HMGXB3: variants seen among roughly 807,000 people sequenced by gnomAD.
HMGXB3 encodes HMG-box containing 3, also known as HMG domain-containing protein 3.
Under a neutral mutation model 121.5 loss-of-function variants are expected in HMGXB3, and 45 were observed. The ratio of observed to expected loss-of-function variants is 0.37; its 90% CI spans 0.29 to 0.47. HMGXB3 has a LOEUF of 0.47. Among genes scored for constraint, HMGXB3 ranks in the 20% least tolerant of loss-of-function variants. The pLI, the probability that HMGXB3 is intolerant of heterozygous loss-of-function variation, is 0.99. For synonymous variants in HMGXB3, 590 were observed against 624.1 expected (o/e 0.95, Z 0.81); for missense variants, 1,376 against 1,602.2 (o/e 0.86, Z 2.41).
In HMGXB3 at chr5:150,014,331, C is replaced by T. The variant is rs149021530; in HGVS notation, c.909+1978C>T. Among the ~76,000 whole-genome samples the T allele has an allele frequency of 2.6e-4, 40 of 152,274 alleles. 1 individual carries two copies. In the East Asian group the frequency reaches 7.3e-3, roughly 28 times the overall value. On this transcript the variant is annotated intron_variant, in intron 5 of 19. Coordinates refer to ENST00000502717, the MANE Select transcript of HMGXB3 (RefSeq NM_014983.3). Reference sequence around the variant, plus strand: ...AATCTTTAAAGACATCTGCAATAGACAATATGCAGTTTAAACAAACTGTGA... The same window carrying T: ...AATCTTTAAAGACATCTGCAATAGATAATATGCAGTTTAAACAAACTGTGA...
At chr5:150,032,431 G>T (rs1404917222) in intron 10 of HMGXB3, 23 bp from the exon 11 acceptor site, 1 of 1,548,410 alleles carries the variant, frequency 6.5e-7, no homozygotes, top group Admixed American at 2.0e-5. Context: ...TTGTAGAATT[G>T]AACACTGGTC....
intron 16 of HMGXB3, 143 bp from the exon 17 acceptor site, chr5:150,047,481 C>A: frequency 1.1e-6 from 1 of 894,360 alleles, no homozygotes; most frequent in Non-Finnish European, 1.7e-6. Context: ...AAAGCGTGGA[C>A]CTGACTTGAG....
rs1444991525 is a variant in HMGXB3, at chr5:150,026,692, C to G, written c.1461-14C>G. ...GTTCCAGAATTTCCAGATTTCTCTT[C>G]TTATTCTTTTCAGAGCTGACCTGCT... is the stretch of plus-strand genomic sequence containing the variant. On this transcript the variant is annotated splice_polypyrimidine_tract_variant and intron_variant, in intron 7 of 19. Transcript: ENST00000502717. 1 of 1,543,762 alleles carries G rather than the reference C, an allele frequency of 6.5e-7. No homozygotes were observed. The highest frequency in any genetic ancestry group is 8.7e-7 in the Non-Finnish European group (1 of 1,144,498).
Position 150,015,946 on chromosome 5 carries a change from A to G in HMGXB3, c.910-2620A>G, listed in dbSNP as rs1755950307. Among the ~76,000 whole-genome samples the G allele has an allele frequency of 2.6e-5, 4 of 152,214 alleles. No homozygotes were observed. The South Asian group carries it at 8.3e-4, about 31-fold the overall frequency. ...ACTTGAAGAGAATGCATAGTCTGCT[A>G]TTGGGTGGAATGTTCTATACATATC... On this transcript the variant is annotated intron_variant, in intron 5 of 19. Coordinates refer to ENST00000502717, the MANE Select transcript of HMGXB3 (RefSeq NM_014983.3).
chr5:150,036,614 G>T (rs967633688), intron 11 of HMGXB3, 22 bp from the exon 12 acceptor site: 2 of 1,511,022 alleles, frequency 1.3e-6, no homozygotes, highest in East Asian at 2.5e-5. Flanking sequence ...AGTGCTTGGT[G>T]ATCAATCCAC....
chr5:150,013,034 A>G (rs1755880086), intron 5 of HMGXB3, among the ~76,000 whole-genome samples: 1 of 152,248 alleles, frequency 6.6e-6, no homozygotes, highest in South Asian at 2.1e-4. Context: ...CATGCTGTCT[A>G]CAAGTAATGA....
At chr5:150,047,081 A>T (rs1265943806) in intron 16 of HMGXB3, among the ~76,000 whole-genome samples, 11 of 151,904 alleles carry the variant, frequency 7.2e-5, no homozygotes, top group Non-Finnish European at 1.2e-4. Flanking sequence ...TTTAGAAGAG[A>T]TGGGGTTTCA....
At chr5:150,032,349 G>T in intron 10 of HMGXB3, 105 bp from the exon 11 acceptor site, 2 of 1,055,526 alleles carry the variant, frequency 1.9e-6, no homozygotes, top group Non-Finnish European at 2.7e-6. Context: ...GTTTGCAGTT[G>T]CCACTCTCTT....
chr5:150,026,632 C>T (rs1756236497), intron 7 of HMGXB3, 74 bp from the exon 8 acceptor site: 1 of 1,289,122 alleles, frequency 7.8e-7, no homozygotes, highest in Admixed American at 2.3e-5. Flanking sequence ...TAAGAAAGCA[C>T]TATGTAGAGA....
At chr5:150,049,202 G>T (rs1756831376) in intron 18 of HMGXB3, among the ~76,000 whole-genome samples, 1 of 152,220 alleles carries the variant, frequency 6.6e-6, no homozygotes, top group Non-Finnish European at 1.5e-5. Flanking sequence ...AGGAGGGGGT[G>T]TTGGAGGGCT....
Position 150,051,731 on chromosome 5 carries a change from T to C in HMGXB3, c.3418T>C (p.Ser1140Pro), listed in dbSNP as rs1756903892. 2.6e-6 allele frequency: 4 copies of C among 1,524,020 alleles called. No homozygotes were observed. The highest frequency in any genetic ancestry group is 1.4e-5 in the African/African-American group (1 of 72,830). The allele number at this position is 1,524,020 out of a possible 1,614,324, so 94.4% of individuals were successfully genotyped here. Residue 1140 changes from serine to proline, a missense_variant, in exon 20 of 20, where the codon TCC (serine) becomes CCC (proline). Around this residue, in one of 2 missense-constraint regions of HMGXB3, gnomAD observed 260 missense variants for 233.2 expected, o/e 1.11. Coordinates refer to ENST00000502717, the MANE Select transcript of HMGXB3 (RefSeq NM_014983.3). ...ATTCTCATTTCTCTTCTAGAGTGTG[T>C]CCTGCCCAGAGCTCTTGGACCAGCA... Reference protein sequence around the residue: ...SSPTEPPVSVSCPELLDQHYT... With the variant: ...SSPTEPPVSVPCPELLDQHYT...
chr5:150,046,314 AGT>A (rs1355082410), intron 16 of HMGXB3, among the ~76,000 whole-genome samples: 7 of 152,248 alleles, frequency 4.6e-5, no homozygotes, highest in Admixed American at 4.6e-4. Context: ...TGTAACCCAT[AGT>A]GAGAAATACA....
intron 10 of HMGXB3, among the ~76,000 whole-genome samples, chr5:150,031,699 A>G (rs1756384499): frequency 6.6e-6 from 1 of 152,246 alleles, no homozygotes; most frequent in Non-Finnish European, 1.5e-5. Flanking sequence ...GTCTTGCCTC[A>G]TAATGGCAGA....
At chr5:150,021,992 G>A (rs1756106333) in intron 6 of HMGXB3, 3 of 384,908 alleles carry the variant, frequency 7.8e-6, no homozygotes, top group South Asian at 4.0e-5. Context: ...GAGCAGGAGC[G>A]GGCAGGAGCG....
In HMGXB3 at chr5:150,036,649, C is replaced by T. The variant is rs905247659; in HGVS notation, c.1997C>T (p.Pro666Leu). The change falls in exon 12 of 20, where the codon CCA becomes CTA. Residue 666 changes from proline to leucine, a missense_variant. Transcript: ENST00000502717. ...CTCTCTTCCCAGGAGGTGAGCTCACCACTCCCAGATGTACTGAATGCCACA... is the reference window on the plus strand; with the variant it reads ...CTCTCTTCCCAGGAGGTGAGCTCACTACTCCCAGATGTACTGAATGCCACA... Reference protein sequence around the residue: ...KTTKAIEVSSPLPDVLNATEP... With the variant: ...KTTKAIEVSSLLPDVLNATEP... 16 of 1,543,224 alleles carry T rather than the reference C, an allele frequency of 1.0e-5. No individual in the cohort carries two copies. The highest frequency in any genetic ancestry group is 1.4e-5 in the Non-Finnish European group (16 of 1,142,122).
chr5:150,051,825 G>T lies in HMGXB3; in HGVS notation c.3512G>T (p.Arg1171Leu), dbSNP rs377737634. ...CCAGTCACCAAGACTGCCACGCGGCGCATCGTCCATGCAGGCCTACAGCCC... is the reference window on the plus strand; with the variant it reads ...CCAGTCACCAAGACTGCCACGCGGCTCATCGTCCATGCAGGCCTACAGCCC... ...QHPVTKTATR[R>L]IVHAGLQPNP... Residue 1171 changes from arginine to leucine, a missense_variant, in exon 20 of 20, where the codon CGC becomes CTC. Around this residue, in one of 2 missense-constraint regions of HMGXB3, gnomAD observed 260 missense variants for 233.2 expected, o/e 1.11. Coordinates refer to ENST00000502717, the MANE Select transcript of HMGXB3 (RefSeq NM_014983.3). 9 of 1,549,396 alleles carry T rather than the reference G, an allele frequency of 5.8e-6. No homozygotes were observed. In the African/African-American group the frequency reaches 9.6e-5, roughly 16 times the overall value.
Position 150,053,065 on chromosome 5 carries a change from G to C in HMGXB3, c.*873G>C, listed in dbSNP as rs566465356. 5.7e-6 allele frequency: 1 copy of C among 176,402 alleles called. No individual in the cohort carries two copies. The highest frequency in any genetic ancestry group is 2.0e-4 in the South Asian group (1 of 5,032). 10.9% of individuals were successfully genotyped at this position (176,402 alleles called of 1,614,324 possible). On this transcript the variant is annotated 3_prime_UTR_variant, in exon 20 of 20. Coordinates refer to ENST00000502717, the MANE Select transcript of HMGXB3 (RefSeq NM_014983.3). ...GGAATTGGCCATGTGTTAATTTATT[G>C]AGTGGAGTAGGTGGCTTTTTTTCCC... is the stretch of plus-strand genomic sequence containing the variant.
At chr5:150,011,365 T>G (rs1290564844) in intron 4 of HMGXB3, among the ~76,000 whole-genome samples, 1 of 152,096 alleles carries the variant, frequency 6.6e-6, no homozygotes. Flanking sequence ...TACCATGCCA[T>G]AGTATAATAT....
At position 150,027,479 on chromosome 5, in the gene HMGXB3, T is replaced by G. The variant is rs1392242437; in HGVS notation, c.1734+362T>G. 5.3e-5 allele frequency among the ~76,000 whole-genome samples: 8 copies of G among 152,224 alleles called. No homozygotes were observed. In the East Asian group the frequency reaches 1.3e-3, roughly 26 times the overall value. ...CCACCATATGTGGGTGTGTACACAT[T>G]GCATGTGTGTAAAATACACATTATA... On this transcript the variant is annotated intron_variant, in intron 9 of 19. Transcript: ENST00000502717.
Sources: gnomAD v4.1 joint callset for allele counts (sites outside exome capture counted in the v4.1 genomes callset) on GRCh38, gnomAD v4.1.1 for gene constraint, gnomAD v4.1.1 regional missense constraint, MANE v1.5 for transcripts, NCBI Gene and HGNC (gene_info 2026-07-23, HGNC 2026-07-21) for gene names.